Variants in SH3BP5 observed in about 807,000 individuals in gnomAD.
SH3BP5 encodes the protein SH3 domain binding protein 5, also known as SH3 domain-binding protein 5.
In SH3BP5, 22 loss-of-function variants were observed where a neutral mutation model predicts 43.3. That is an observed-to-expected ratio of 0.51 (90% CI 0.36 to 0.73). SH3BP5 has a LOEUF of 0.73. SH3BP5 is among the 30% of genes least tolerant of loss of function. The pLI, the probability that SH3BP5 is intolerant of heterozygous loss-of-function variation, is 0.00. For synonymous variants in SH3BP5, 255 were observed against 225.8 expected, an observed-to-expected ratio of 1.13 and a Z score of -1.16; for missense variants, 529 against 586.9, an observed-to-expected ratio of 0.90 and a Z score of 1.02.
At chr3:15,269,250 A>G (rs1696729014) in intron 4 of SH3BP5, among the ~76,000 whole-genome samples, 1 of 152,160 alleles carries the variant, frequency 6.6e-6, no homozygotes, top group Non-Finnish European at 1.5e-5. Context: ...TGTCGTAAGT[A>G]CACACCTGAT....
At chr3:15,317,946 G>A (rs1289467342) in intron 2 of SH3BP5, among the ~76,000 whole-genome samples, 1 of 152,184 alleles carries the variant, frequency 6.6e-6, no homozygotes, top group Non-Finnish European at 1.5e-5. Context: ...GCCTCAGTGG[G>A]GGTCTCAGAA....
chr3:15,259,950 A>C, intron 5 of SH3BP5, 147 bp from the exon 6 acceptor site: 1 of 711,710 alleles, frequency 1.4e-6, no homozygotes, highest in Non-Finnish European at 2.5e-6. Flanking sequence ...GTGACATGTC[A>C]GTGATGCTCC....
upstream of SH3BP5, among the ~76,000 whole-genome samples, chr3:15,335,571 C>CAA (rs34622084): frequency 1.4e-5 from 2 of 147,400 alleles, no homozygotes; most frequent in African/African-American, 5.0e-5. Flanking sequence ...GACCCTATCT[C>CAA]AAAAAAAAAA....
intron 7 of SH3BP5, chr3:15,258,511 G>T: frequency 2.7e-6 from 1 of 374,790 alleles, no homozygotes; most frequent in African/African-American, 2.1e-5. Flanking sequence ...AGGTAGCTTT[G>T]AATCAAATCT....
In SH3BP5 at chr3:15,256,017, T is replaced by C. The variant is rs565727111; in HGVS notation, c.*69A>G. 1 of 1,275,830 alleles carries C rather than the reference T, an allele frequency of 7.8e-7. No homozygotes were observed. The highest frequency in any genetic ancestry group is 1.1e-6 in the Non-Finnish European group (1 of 895,882). The allele number at this position is 1,275,830 out of a possible 1,614,324, so 79.0% of individuals were successfully genotyped here. ...TAAGATTTGGCATATATTAAATGAT[T>C]ATTGGCACAATGTTCTCCAGTTCCA... On this transcript the variant is annotated 3_prime_UTR_variant, in exon 9 of 9. Transcript: ENST00000383791.
In SH3BP5 at chr3:15,303,460, G is replaced by A. The variant is rs544199152; in HGVS notation, c.330+643C>T. Reference sequence around the variant, plus strand: ...CTGCAGGTGACACAAGTGGCACATCGCGTCACACAGCAGCCAAAGGAAGAC... The same window carrying A: ...CTGCAGGTGACACAAGTGGCACATCACGTCACACAGCAGCCAAAGGAAGAC... On this transcript the variant is annotated intron_variant, in intron 3 of 8. Transcript: ENST00000383791. 3.3e-5 allele frequency among the ~76,000 whole-genome samples: 5 copies of A among 152,214 alleles called. No individual in the cohort carries two copies. The East Asian group carries it at 5.8e-4, about 18-fold the overall frequency.
chr3:15,320,565 A>G lies in SH3BP5; in HGVS notation c.201+9939T>C, dbSNP rs189126354. Among the ~76,000 whole-genome samples, 208 of 144,472 alleles carry G rather than the reference A, an allele frequency of 1.4e-3. 4 individuals carry two copies. The highest frequency in any genetic ancestry group is 0.013 in the Admixed American group (184 of 14,116). 94.8% of individuals were successfully genotyped at this position (144,472 alleles called of 152,430 possible). ...GGCAAAGTTACCTGGGCTGCCTGCC[A>G]AAGGATGAGGTTCAATAGAGGTTTA... On this transcript the variant is annotated intron_variant, in intron 2 of 8. Transcript: ENST00000383791.
chr3:15,300,138 C>CT (rs1340750286), intron 3 of SH3BP5, among the ~76,000 whole-genome samples: 3 of 151,790 alleles, frequency 2.0e-5, no homozygotes, highest in East Asian at 1.9e-4. Context: ...ATCATTATTT[C>CT]TTTTTTTTGA....
intron 3 of SH3BP5, among the ~76,000 whole-genome samples, chr3:15,283,084 T>C (rs1486883206): frequency 6.6e-6 from 1 of 152,166 alleles, no homozygotes; most frequent in Non-Finnish European, 1.5e-5. Flanking sequence ...AAGGCAACAT[T>C]TCAAATAAAT....
chr3:15,298,645 T>TGTGTC (rs1697646296), intron 3 of SH3BP5, among the ~76,000 whole-genome samples: 1 of 152,214 alleles, frequency 6.6e-6, no homozygotes, highest in Non-Finnish European at 1.5e-5. Flanking sequence ...ACACATGCTA[T>TGTGTC]AACATGGATG....
intron 1 of SH3BP5, among the ~76,000 whole-genome samples, chr3:15,338,725 CG>C (rs1008365568): frequency 6.7e-6 from 1 of 149,300 alleles, no homozygotes; most frequent in African/African-American, 2.5e-5. Context: ...CAAGGTCCCC[CG>C]AAAAAAAAAA....
rs370187072 is a variant in SH3BP5 at position 15,262,306 on chromosome 3, A to G, written c.496-17T>C. ...CTCCATGACCTTAAAATGACAGCAG[A>G]GTTCAGCCCAGTCCAGCCCAGAACA... On this transcript the variant is annotated splice_polypyrimidine_tract_variant and intron_variant, in intron 4 of 8. Coordinates refer to ENST00000383791, the MANE Select transcript of SH3BP5 (RefSeq NM_004844.5). 1.7e-5 allele frequency: 28 copies of G among 1,613,618 alleles called. No individual in the cohort carries two copies. In the African/African-American group the frequency reaches 3.5e-4, roughly 20 times the overall value.
intron 2 of SH3BP5, among the ~76,000 whole-genome samples, chr3:15,328,301 A>C (rs1333632729): frequency 6.6e-6 from 1 of 152,064 alleles, no homozygotes; most frequent in Non-Finnish European, 1.5e-5. Flanking sequence ...TAACAGATTA[A>C]CCAATTTCAC....
chr3:15,257,381 C>T (rs1382187262), intron 7 of SH3BP5: 1 of 402,564 alleles, frequency 2.5e-6, no homozygotes, highest in Non-Finnish European at 4.5e-6. Flanking sequence ...TGTCACCAGA[C>T]ACCACCTAAA....
intron 2 of SH3BP5, among the ~76,000 whole-genome samples, chr3:15,329,269 A>C (rs952582596): frequency 1.3e-5 from 2 of 152,106 alleles, no homozygotes; most frequent in African/African-American, 4.8e-5. Flanking sequence ...TGTAAAAAAC[A>C]CTCTGGAAAT....
At position 15,304,230 on chromosome 3, in the gene SH3BP5, T is replaced by A. The variant is rs1305333200; in HGVS notation, c.203A>T (p.Asp68Val). Reference protein sequence around the residue: ...DINRRETELEDARQKFRSVLV... With the variant: ...DINRRETELEVARQKFRSVLV... ...AACAGAGCGGAACTTCTGACGAGCA[T>A]CCTGCAGCCAGGGGAAACCGAGGAA... Residue 68 changes from aspartate to valine, a missense_variant and splice_region_variant, in exon 3 of 9, where the codon GAT (aspartate) becomes GTT (valine). Transcript: ENST00000383791. The A allele has an allele frequency of 1.2e-6, 2 of 1,614,142 alleles. No individual in the cohort carries two copies. Among genetic ancestry groups the A allele is most frequent in the South Asian group, 1.1e-5 (1 of 91,090 alleles).
At chr3:15,305,402 G>A (rs1267695500) in intron 2 of SH3BP5, among the ~76,000 whole-genome samples, 4 of 152,204 alleles carry the variant, frequency 2.6e-5, no homozygotes, top group Non-Finnish European at 5.9e-5. Context: ...GCCAGACCTG[G>A]TGCTGGGCCT....
chr3:15,259,339 C>T, intron 6 of SH3BP5: 1 of 542,504 alleles, frequency 1.8e-6, no homozygotes, highest in Non-Finnish European at 3.3e-6. Flanking sequence ...CACCAAAGTC[C>T]CACAGTCTAG....
intron 3 of SH3BP5, among the ~76,000 whole-genome samples, chr3:15,298,577 T>G (rs964094989): frequency 5.9e-5 from 9 of 152,220 alleles, no homozygotes; most frequent in Non-Finnish European, 1.0e-4. Flanking sequence ...TTGCCCAATG[T>G]CCATGGATGA....
Sources: allele counts gnomAD v4.1 joint callset (sites outside exome capture counted in the v4.1 genomes callset), GRCh38; gene constraint gnomAD v4.1.1; transcripts MANE v1.5; gene names NCBI Gene and HGNC (gene_info 2026-07-23, HGNC 2026-07-21).